The following MYOCD variants were observed in gnomAD, a reference collection of about 807,000 sequenced individuals.
The protein encoded by MYOCD is myocardin.
Under a neutral mutation model 96.1 loss-of-function variants are expected in MYOCD, and 32 were observed. The ratio of observed to expected loss-of-function variants is 0.33; its 90% CI spans 0.25 to 0.45. MYOCD has a LOEUF of 0.45. Ranked by LOEUF, MYOCD falls within the 20% of genes least tolerant of loss-of-function variation. The pLI, the probability that MYOCD is intolerant of heterozygous loss-of-function variation, is 1.00. For missense variants in MYOCD, 1,133 were observed against 1,200.6 expected (o/e 0.94, Z 0.83); for synonymous variants, 469 against 469.0 (o/e 1.00, Z 0.00).
At chr17:12,762,994 T>G (rs2033224128) in intron 13 of MYOCD, 79 bp from the exon 14 acceptor site, 1 of 1,253,494 alleles carries the variant, frequency 8.0e-7, no homozygotes, top group African/African-American at 1.5e-5. Flanking sequence ...ATCTTCTGTA[T>G]CTAAGTGTAA....
intron 5 of MYOCD, among the ~76,000 whole-genome samples, chr17:12,728,712 C>T (rs1415976620): frequency 6.6e-6 from 1 of 152,242 alleles, no homozygotes; most frequent in African/African-American, 2.4e-5. Flanking sequence ...CTCCCCACCT[C>T]AGGTGATCCA....
Position 12,763,116 on chromosome 17 carries a change from AG to A in MYOCD, c.2434del (p.Val812SerfsTer48), listed in dbSNP as rs1297370889. The A allele has an allele frequency of 6.2e-7, 1 of 1,613,878 alleles. No individual in the cohort carries two copies. Among genetic ancestry groups the A allele is most frequent in the Admixed American group, 1.7e-5 (1 of 59,964 alleles). On this transcript the variant is annotated frameshift_variant, in exon 14 of 14. Coordinates refer to ENST00000425538, the MANE Select transcript of MYOCD (RefSeq NM_001146312.3). LOFTEE classifies it high-confidence loss of function. ...GAGAGGATCACTCATGTCTTCAAAA[AG>A]TCCCAAAGATACCCAGATCTTCCCG... ...AREDHSCLQKVPKIPRSSRSP... is the reference protein window; with the variant it reads ...AREDHSCLQKXPKIPRSSRSP...
intron 1 of MYOCD, among the ~76,000 whole-genome samples, chr17:12,702,040 CAAAT>C (rs1183072845): frequency 6.6e-6 from 1 of 152,012 alleles, no homozygotes; most frequent in African/African-American, 2.4e-5. Flanking sequence ...TAGTGCTAAA[CAAAT>C]ATTAATTATA....
At chr17:12,741,635 G>A (rs1273220239) in intron 7 of MYOCD, among the ~76,000 whole-genome samples, 2 of 151,964 alleles carry the variant, frequency 1.3e-5, no homozygotes, top group African/African-American at 4.8e-5. Context: ...CTTGAACCCA[G>A]GAGGGGGTGG....
chr17:12,724,476 G>GT (rs2031939045), intron 5 of MYOCD, among the ~76,000 whole-genome samples: 1 of 152,014 alleles, frequency 6.6e-6, no homozygotes, highest in Admixed American at 6.6e-5. Context: ...TCTGTCACAG[G>GT]TATCTCACAT....
intron 1 of MYOCD, among the ~76,000 whole-genome samples, chr17:12,669,186 TCTC>T (rs1420646392): frequency 1.3e-5 from 2 of 152,294 alleles, no homozygotes; most frequent in African/African-American, 2.4e-5. Context: ...TATCAACAGT[TCTC>T]CTCCATATCA....
chr17:12,752,912 G>T lies in MYOCD; in HGVS notation c.1624G>T (p.Val542Leu). The change falls in exon 10 of 14, where the codon GTG (valine) becomes TTG (leucine). Residue 542 changes from valine (V) to leucine (L), a missense_variant. Coordinates refer to ENST00000425538, the MANE Select transcript of MYOCD (RefSeq NM_001146312.3). ...GAAACTCCAGCAAGAGCAGAGGCAG[G>T]TGGAGGAGCTGAGGATGCAGCTTCA... Reference protein sequence around the residue: ...TWKLQQEQRQVEELRMQLQKQ... With the variant: ...TWKLQQEQRQLEELRMQLQKQ... The T allele has an allele frequency of 6.2e-7, 1 of 1,614,140 alleles. No homozygotes were observed. Among genetic ancestry groups the T allele is most frequent in the Non-Finnish European group, 8.5e-7 (1 of 1,180,028 alleles).
chr17:12,717,694 G>C (rs1300040393), intron 4 of MYOCD, among the ~76,000 whole-genome samples: 2 of 152,160 alleles, frequency 1.3e-5, no homozygotes, highest in Non-Finnish European at 2.9e-5. Flanking sequence ...ATAACTTCTA[G>C]GAGTGCATGG....
intron 2 of MYOCD, among the ~76,000 whole-genome samples, chr17:12,709,173 A>T (rs1002285135): frequency 2.0e-5 from 3 of 152,170 alleles, no homozygotes; most frequent in African/African-American, 4.8e-5. Flanking sequence ...GAGGTGAATC[A>T]TGTGTAATTC....
chr17:12,679,766 C>G (rs1266479685), intron 1 of MYOCD, among the ~76,000 whole-genome samples: 1 of 152,062 alleles, frequency 6.6e-6, no homozygotes, highest in Non-Finnish European at 1.5e-5. Flanking sequence ...TTCAGAGGAT[C>G]ATGAGATGCA....
rs2033380490 is a variant in MYOCD at position 12,767,815 on chromosome 17, A to T, written c.*4171A>T. 1 of 152,196 alleles carries T rather than the reference A, an allele frequency of 6.6e-6. No homozygotes were observed. The highest frequency in any genetic ancestry group is 1.5e-5 in the Non-Finnish European group (1 of 68,038). The allele number at this position is 152,196 out of a possible 1,614,324, so 9.4% of individuals were successfully genotyped here. On this transcript the variant is annotated 3_prime_UTR_variant, in exon 14 of 14. Transcript: ENST00000425538. ...GATTTGTGTTGATTGCCAGATACAGAAGCCCCTTGAAAATAAGGAAAGGGT... is the reference window on the plus strand; with the variant it reads ...GATTTGTGTTGATTGCCAGATACAGTAGCCCCTTGAAAATAAGGAAAGGGT...
chr17:12,719,621 G>A (rs900190937), intron 4 of MYOCD, among the ~76,000 whole-genome samples: 2 of 151,190 alleles, frequency 1.3e-5, no homozygotes, highest in East Asian at 3.9e-4. Flanking sequence ...GGGAGGCCGA[G>A]GCGGGCGGAT....
chr17:12,680,607 G>A (rs1277403539), intron 1 of MYOCD, among the ~76,000 whole-genome samples: 1 of 152,224 alleles, frequency 6.6e-6, no homozygotes, highest in Non-Finnish European at 1.5e-5. Context: ...CCCCGGGCGT[G>A]TGTGCGCGCT....
intron 1 of MYOCD, among the ~76,000 whole-genome samples, chr17:12,679,074 C>A (rs543067789): frequency 6.6e-6 from 1 of 152,166 alleles, no homozygotes; most frequent in African/African-American, 2.4e-5. Flanking sequence ...GCTTGCAAAA[C>A]CAAATTTACC....
At chr17:12,741,536 C>A (rs890462216) in intron 7 of MYOCD, among the ~76,000 whole-genome samples, 11 of 152,060 alleles carry the variant, frequency 7.2e-5, no homozygotes, top group African/African-American at 2.7e-4. Context: ...GGTGAAACCC[C>A]GTCTCTACCA....
At chr17:12,683,797 A>G (rs1204505091) in intron 1 of MYOCD, among the ~76,000 whole-genome samples, 7 of 152,198 alleles carry the variant, frequency 4.6e-5, no homozygotes, top group Admixed American at 1.3e-4. Context: ...TAAACTTTCC[A>G]TAGGCAGAAC....
intron 4 of MYOCD, among the ~76,000 whole-genome samples, chr17:12,719,510 A>T (rs2031757598): frequency 6.6e-6 from 1 of 152,072 alleles, no homozygotes; most frequent in South Asian, 2.1e-4. Flanking sequence ...TTGGCTGAAT[A>T]AACTATGGAT....
chr17:12,754,446 A>G (rs1052267488), intron 10 of MYOCD, among the ~76,000 whole-genome samples: 1 of 152,172 alleles, frequency 6.6e-6, no homozygotes, highest in Non-Finnish European at 1.5e-5. Context: ...CGTTTAGCAA[A>G]ACCTTGAAAG....
chr17:12,689,686 C>G (rs1015073312), intron 1 of MYOCD, among the ~76,000 whole-genome samples: 15 of 152,070 alleles, frequency 9.9e-5, no homozygotes, highest in African/African-American at 3.6e-4. Flanking sequence ...CAAAAATTAG[C>G]TGGGCATGAT....
Sources: allele counts gnomAD v4.1 joint callset (sites outside exome capture counted in the v4.1 genomes callset), GRCh38; gene constraint gnomAD v4.1.1; transcripts MANE v1.5; gene names NCBI Gene and HGNC (gene_info 2026-07-23, HGNC 2026-07-21).